Variants in ARSL observed in about 807,000 individuals in gnomAD.
The protein encoded by ARSL is arylsulfatase E (chondrodysplasia punctata 1).
A neutral mutation model predicts 31.1 loss-of-function variants in ARSL; 4 were observed. The observed-to-expected ratio is 0.13, with a 90% CI of 0.06 to 0.29. The LOEUF (loss-of-function observed/expected upper bound fraction) is 0.29, where lower values mean the gene tolerates loss of function less well. ARSL is among the 10% of genes least tolerant of loss of function. ARSL has a pLI of 1.00. For synonymous variants in ARSL, 198 were observed against 209.9 expected (o/e 0.94, Z 0.49); for missense variants, 312 against 497.8 (o/e 0.63, Z 3.55).
At chrX:2,962,136 G>A (rs1286583089) in intron 1 of ARSL, among the ~76,000 whole-genome samples, 3 of 110,799 alleles carry the variant, frequency 2.7e-5, no homozygotes, top group South Asian at 7.7e-4. Context: ...TATCTTAAAT[G>A]TATTTGATTG....
At chrX:2,947,630 T>C (rs1355095066) in intron 6 of ARSL, among the ~76,000 whole-genome samples, 2 of 111,929 alleles carry the variant, frequency 1.8e-5, no homozygotes, top group African/African-American at 6.5e-5. Context: ...GGGCATGGTG[T>C]CTCATGCCTG....
At chrX:2,944,065 G>A (rs1414730887) in intron 7 of ARSL, among the ~76,000 whole-genome samples, 3 of 110,729 alleles carry the variant, frequency 2.7e-5, no homozygotes, top group Non-Finnish European at 5.7e-5. Context: ...TGTGGTCCCA[G>A]GTACTTGGGA....
chrX:2,950,628 C>T (rs1012093758), intron 5 of ARSL, among the ~76,000 whole-genome samples: 9 of 111,670 alleles, frequency 8.1e-5, no homozygotes, highest in Admixed American at 2.9e-4. Context: ...TCTTGCCTGC[C>T]GCCATGAAAG....
At chrX:2,943,395 C>T (rs1010452994) in intron 7 of ARSL, among the ~76,000 whole-genome samples, 196 bp from the exon 8 acceptor site, 6 of 111,067 alleles carry the variant, frequency 5.4e-5, no homozygotes, top group African/African-American at 2.0e-4. Context: ...GCACCCCATC[C>T]TTTGGTCAGA....
chrX:2,950,758 A>G (rs910865003), intron 5 of ARSL, among the ~76,000 whole-genome samples: 4 of 111,841 alleles, frequency 3.6e-5, no homozygotes, highest in African/African-American at 9.7e-5. Flanking sequence ...GTATGTCTTT[A>G]TTAGCAGCGT....
At chrX:2,949,190 A>C in intron 6 of ARSL, 114 bp downstream of exon 6, 1 of 1,006,026 alleles carries the variant, frequency 9.9e-7, no homozygotes, top group Non-Finnish European at 1.4e-6. Context: ...CTCAGCCTCC[A>C]AAAGCACTGG....
chrX:2,951,214 T>C (rs1914114733), intron 5 of ARSL, among the ~76,000 whole-genome samples: 1 of 111,898 alleles, frequency 8.9e-6, no homozygotes, highest in South Asian at 3.8e-4. Flanking sequence ...CACCATGTGA[T>C]ATCAGCAGCA....
chrX:2,945,849 C>A, intron 7 of ARSL, 149 bp downstream of exon 7: 2 of 751,667 alleles, frequency 2.7e-6, no homozygotes, highest in Non-Finnish European at 4.0e-6. Flanking sequence ...CAGTGAAGAT[C>A]TGTGCTATAA....
upstream of ARSL, among the ~76,000 whole-genome samples, chrX:2,966,740 A>T (rs1373048039): frequency 9.1e-6 from 1 of 109,841 alleles, no homozygotes; most frequent in Non-Finnish European, 1.9e-5. Context: ...ATATATATGT[A>T]CATATATGTA....
chrX:2,962,564 C>T (rs770470006), intron 1 of ARSL, among the ~76,000 whole-genome samples: 2 of 111,148 alleles, frequency 1.8e-5, no homozygotes, highest in Non-Finnish European at 3.8e-5. Context: ...GGGCAAGGTC[C>T]GCAGGGCTGC....
rs772699055 is a variant in ARSL, at chrX:2,935,123, A to G, written c.1479T>C (p.Tyr493=). ...VFQPEGAGAC[Y]GRKVCPCFGE... ...CAAAGCACGGGCAGACCTTTCTTCC[A>G]TAGCAGGCACCGGCTCCCTCTGGCT... Residue 493 remains tyrosine, a synonymous_variant, in exon 11 of 11, where the codon TAT becomes TAC. Coordinates refer to ENST00000381134, the MANE Select transcript of ARSL (RefSeq NM_000047.3). 11 of 1,209,867 alleles carry G rather than the reference A, an allele frequency of 9.1e-6. No homozygotes were observed. Among genetic ancestry groups the G allele is most frequent in the Non-Finnish European group, 1.1e-5 (10 of 895,205 alleles).
chrX:2,937,826 A>G (rs1190159394), intron 9 of ARSL, among the ~76,000 whole-genome samples: 1 of 111,997 alleles, frequency 8.9e-6, no homozygotes, highest in African/African-American at 3.2e-5. Context: ...TAGAAGGTAT[A>G]GAAGCTCTGG....
intron 1 of ARSL, among the ~76,000 whole-genome samples, chrX:2,962,438 A>G (rs983970454): frequency 9.0e-6 from 1 of 111,331 alleles, no homozygotes; most frequent in African/African-American, 3.3e-5. Context: ...GAGTGAGGAC[A>G]CACTGGAGCC....
At position 2,938,091 on chromosome X, in the gene ARSL, G is replaced by A; in HGVS notation, c.1289+4C>T. 2 of 1,211,485 alleles carry A rather than the reference G, an allele frequency of 1.7e-6. No individual in the cohort carries two copies. The highest frequency in any genetic ancestry group is 2.2e-6 in the Non-Finnish European group (2 of 895,420). On this transcript the variant is annotated splice_donor_region_variant and intron_variant, in intron 9 of 10. Coordinates refer to ENST00000381134, the MANE Select transcript of ARSL (RefSeq NM_000047.3). ...CTGAATTGTTTCTTTGGGTTGTTCT[G>A]TACCTGTCCTGGGGCACCTCGCCGC...
At chrX:2,951,812 A>G (rs970465609) in intron 5 of ARSL, among the ~76,000 whole-genome samples, 2 of 106,893 alleles carry the variant, frequency 1.9e-5, no homozygotes, top group Admixed American at 2.1e-4. Flanking sequence ...AAAAAAAAAA[A>G]AAAGTCTATT....
At chrX:2,939,972 G>A (rs1298099195) in intron 8 of ARSL, among the ~76,000 whole-genome samples, 3 of 101,792 alleles carry the variant, frequency 2.9e-5, no homozygotes, top group African/African-American at 1.1e-4. Context: ...CCAGGTTCAA[G>A]CAATTCTCCT....
chrX:2,951,288 A>G (rs936110719), intron 5 of ARSL, among the ~76,000 whole-genome samples: 3 of 111,037 alleles, frequency 2.7e-5, no homozygotes, highest in African/African-American at 6.5e-5. Flanking sequence ...CATAGTGGCC[A>G]TGGTTGAAGT....
chrX:2,945,873 T>G, intron 7 of ARSL, 125 bp downstream of exon 7: 2 of 983,154 alleles, frequency 2.0e-6, no homozygotes, highest in Non-Finnish European at 2.9e-6. Flanking sequence ...TTTGCACTCT[T>G]AAAATCCAAT....
intron 2 of ARSL, among the ~76,000 whole-genome samples, chrX:2,960,113 C>T (rs1162064915): frequency 1.1e-5 from 1 of 95,223 alleles, no homozygotes; most frequent in African/African-American, 3.9e-5. Context: ...ACTAAAAATA[C>T]AAAAAATTAG....
Sources: gnomAD v4.1 joint callset for allele counts (sites outside exome capture counted in the v4.1 genomes callset) on GRCh38, gnomAD v4.1.1 for gene constraint, MANE v1.5 for transcripts, NCBI Gene and HGNC (gene_info 2026-07-23, HGNC 2026-07-21) for gene names.